PRKCZ: variants seen among roughly 807,000 people sequenced by gnomAD.
PRKCZ encodes the protein protein kinase C zeta.
Under a neutral mutation model 79.5 loss-of-function variants are expected in PRKCZ, and 33 were observed. That is an observed-to-expected ratio of 0.41 (90% CI 0.31 to 0.55). PRKCZ has a LOEUF of 0.55. Ranked by LOEUF, PRKCZ falls within the 20% of genes least tolerant of loss-of-function variation. The pLI, the probability that PRKCZ is intolerant of heterozygous loss-of-function variation, is 0.19. For missense variants in PRKCZ, 578 were observed against 813.5 expected, an observed-to-expected ratio of 0.71 and a Z score of 3.52; for synonymous variants, 342 against 320.9, an observed-to-expected ratio of 1.07 and a Z score of -0.70.
At chr1:2,102,166 C>T (rs1056833553) in intron 4 of PRKCZ, among the ~76,000 whole-genome samples, 20 of 152,266 alleles carry the variant, frequency 1.3e-4, no homozygotes, top group Middle Eastern at 3.4e-3. Context: ...GGGTAGGCAG[C>T]CCCTGGTGCC....
At chr1:2,110,587 C>T (rs1044030837) in intron 4 of PRKCZ, among the ~76,000 whole-genome samples, 1 of 152,348 alleles carries the variant, frequency 6.6e-6, no homozygotes, top group South Asian at 2.1e-4. Flanking sequence ...CCCCAAGTCC[C>T]TGGAGTCCCC....
chr1:2,184,115 T>C (rs1359264568), intron 16 of PRKCZ: 1 of 153,708 alleles, frequency 6.5e-6, no homozygotes, highest in Non-Finnish European at 1.4e-5. Context: ...GATTCTGAAG[T>C]CGATGCCTGG....
chr1:2,131,885 C>T (rs1455816319), intron 4 of PRKCZ, among the ~76,000 whole-genome samples: 4 of 152,268 alleles, frequency 2.6e-5, no homozygotes, highest in Non-Finnish European at 5.9e-5. Context: ...GATCGCGGCT[C>T]ACTGCAAGCT....
intron 4 of PRKCZ, among the ~76,000 whole-genome samples, chr1:2,077,781 T>G (rs1017117580): frequency 1.3e-5 from 2 of 152,212 alleles, no homozygotes; most frequent in Non-Finnish European, 2.9e-5. Flanking sequence ...TCTAGTCGTT[T>G]CCATTTAGGA....
rs112769010 is a variant in PRKCZ, at chr1:2,170,854, G to A, written c.1062-1201G>A. 4.4e-3 allele frequency among the ~76,000 whole-genome samples: 674 copies of A among 152,326 alleles called. 8 individuals are homozygous for A. The highest frequency in any genetic ancestry group is 0.016 in the African/African-American group (652 of 41,572). On this transcript the variant is annotated intron_variant, in intron 11 of 17. Coordinates refer to ENST00000378567, the MANE Select transcript of PRKCZ (RefSeq NM_002744.6). ...CCTTTTTCAGGCTGGATAATGCCCC[G>A]TTGGATGGAGGGGCCACACTTTGCT...
chr1:2,184,594 G>A lies in PRKCZ; in HGVS notation c.1587G>A (p.Lys529=), dbSNP rs930279604. Reference sequence around the variant, plus strand: ...ATTGTTTTTCCAAGCTGGAGAAGAAGCAGGCGCTCCCTCCATTCCAGCCAC... The same window carrying A: ...ATTGTTTTTCCAAGCTGGAGAAGAAACAGGCGCTCCCTCCATTCCAGCCAC... ...RSIDWDLLEK[K]QALPPFQPQI... Residue 529 remains lysine, a synonymous_variant, in exon 17 of 18, where the codon AAG becomes AAA. Coordinates refer to ENST00000378567, the MANE Select transcript of PRKCZ (RefSeq NM_002744.6). The A allele has an allele frequency of 2.5e-6, 4 of 1,613,688 alleles. No homozygotes were observed. The highest frequency in any genetic ancestry group is 2.5e-6 in the Non-Finnish European group (3 of 1,179,920).
chr1:2,102,614 G>C (rs189323307), intron 4 of PRKCZ, among the ~76,000 whole-genome samples: 4 of 152,188 alleles, frequency 2.6e-5, no homozygotes, highest in Non-Finnish European at 4.4e-5. Flanking sequence ...TTACAGGTGT[G>C]AGCCACCGTG....
rs914352106 is a variant in PRKCZ at position 2,082,794 on chromosome 1, CAG to C, written c.334+23204_334+23205del. ...CTTTGAGGACACCTGTCCTCCTTCA[CAG>C]GGGCACTCCGGATGTAGTAGCAGGG... On this transcript the variant is annotated intron_variant, in intron 4 of 17. Coordinates refer to ENST00000378567, the MANE Select transcript of PRKCZ (RefSeq NM_002744.6). This position sits in a 1 kb window ranked among gnomAD's most constrained non-coding sequence, Gnocchi z 4.4. 6.6e-6 allele frequency among the ~76,000 whole-genome samples: 1 copy of C among 150,948 alleles called. No individual in the cohort carries two copies. The highest frequency in any genetic ancestry group is 2.4e-5 in the African/African-American group (1 of 41,168).
chr1:2,175,182 G>A (rs371729663), intron 15 of PRKCZ, 42 bp from the exon 16 acceptor site: 218 of 1,571,694 alleles, frequency 1.4e-4, no homozygotes, highest in Non-Finnish European at 1.7e-4. Context: ...TGGGGCTTCC[G>A]GGATGGGGCT....
chr1:2,121,097 A>C (rs1671795027), intron 4 of PRKCZ, among the ~76,000 whole-genome samples: 2 of 152,172 alleles, frequency 1.3e-5, no homozygotes, highest in African/African-American at 4.8e-5. Flanking sequence ...TACAGGCGTG[A>C]GCCACTGCGC....
intron 5 of PRKCZ, among the ~76,000 whole-genome samples, chr1:2,138,084 A>G (rs547215416): frequency 3.1e-4 from 47 of 152,290 alleles, no homozygotes; most frequent in Middle Eastern, 6.8e-3. Flanking sequence ...TGTAGTGCTC[A>G]CTTCATGTTA....
At chr1:2,158,701 G>A (rs776874242) in intron 10 of PRKCZ, among the ~76,000 whole-genome samples, 1 of 152,164 alleles carries the variant, frequency 6.6e-6, no homozygotes, top group Non-Finnish European at 1.5e-5. Flanking sequence ...TAAGGGGTCC[G>A]ATATCCCACC....
At chr1:2,135,661 T>C (rs1676042297) in intron 5 of PRKCZ, among the ~76,000 whole-genome samples, 1 of 152,060 alleles carries the variant, frequency 6.6e-6, no homozygotes, top group Non-Finnish European at 1.5e-5. Context: ...GCATCCAGAG[T>C]GGGGCGGCCG....
rs977341307 is a variant in PRKCZ, at chr1:2,158,848, C to T, written c.974+2756C>T. Among the ~76,000 whole-genome samples, 6 of 152,222 alleles carry T rather than the reference C, an allele frequency of 3.9e-5. No individual in the cohort carries two copies. In the East Asian group the frequency reaches 5.8e-4, roughly 15 times the overall value. ...GTCTGTGGGGTGTCTGTGGGATCCC[C>T]GCAGCGGCACCAATCACTGTCCTGT... On this transcript the variant is annotated intron_variant, in intron 10 of 17. Coordinates refer to ENST00000378567, the MANE Select transcript of PRKCZ (RefSeq NM_002744.6).
intron 4 of PRKCZ, among the ~76,000 whole-genome samples, chr1:2,079,170 C>T (rs1254481935): frequency 1.3e-5 from 2 of 152,232 alleles, no homozygotes; most frequent in Non-Finnish European, 2.9e-5. Flanking sequence ...GCAGAGTGCC[C>T]TGCCCTTGTG....
At chr1:2,118,713 C>CTGTGTGTGTGTGTGTGTG (rs770283606) in intron 4 of PRKCZ, among the ~76,000 whole-genome samples, 2 of 120,626 alleles carry the variant, frequency 1.7e-5, no homozygotes, top group Admixed American at 8.7e-5. Flanking sequence ...CACACCAGCT[C>CTGTGTGTGTGTGTGTGTG]TGTGTGTGTG....
At chr1:2,162,805 A>AT (rs752256232) in intron 10 of PRKCZ, among the ~76,000 whole-genome samples, 1 of 151,954 alleles carries the variant, frequency 6.6e-6, no homozygotes, top group Non-Finnish European at 1.5e-5. Context: ...TAAACGAGGT[A>AT]TTTTTTCTTC....
chr1:2,136,894 G>A (rs1035714327), intron 5 of PRKCZ, among the ~76,000 whole-genome samples: 3 of 152,202 alleles, frequency 2.0e-5, no homozygotes, highest in African/African-American at 4.8e-5. Flanking sequence ...AAACGAAGGT[G>A]TCTTTATGAG....
At chr1:2,064,549 TGTAAG>T (rs1660965717) in intron 4 of PRKCZ, among the ~76,000 whole-genome samples, 1 of 152,220 alleles carries the variant, frequency 6.6e-6, no homozygotes. Flanking sequence ...TTGTATGTGG[TGTAAG>T]GTAAGCATCT....
Sources: gnomAD v4.1 joint callset for allele counts (sites outside exome capture counted in the v4.1 genomes callset) on GRCh38, gnomAD v4.1.1 for gene constraint, Gnocchi (gnomAD v3.1) non-coding constraint, MANE v1.5 for transcripts, NCBI Gene and HGNC (gene_info 2026-07-23, HGNC 2026-07-21) for gene names.